CPQ: variants seen among roughly 807,000 people sequenced by gnomAD.
The protein encoded by CPQ is carboxypeptidase Q, also known as Ser-Met dipeptidase.
A neutral mutation model predicts 45.7 loss-of-function variants in CPQ; 37 were observed. The ratio of observed to expected loss-of-function variants is 0.81; its 90% confidence interval spans 0.62 to 1.07. The LOEUF is 1.07. Among genes scored for constraint, CPQ ranks in the 50% least tolerant of loss-of-function variants. The pLI, the probability that CPQ is intolerant of heterozygous loss-of-function variation, is 0.00. For synonymous variants in CPQ, 186 were observed against 205.8 expected, an observed-to-expected ratio of 0.90 and a Z score of 0.82; for missense variants, 537 against 572.9, an observed-to-expected ratio of 0.94 and a Z score of 0.64.
intron 2 of CPQ, among the ~76,000 whole-genome samples, chr8:96,794,537 TC>T (rs1173501618): frequency 1.3e-5 from 2 of 152,226 alleles, no homozygotes; most frequent in African/African-American, 4.8e-5. Flanking sequence ...GGAGACATTT[TC>T]CCCATTGTCT....
chr8:97,141,840 G>A (rs954824854), intron 7 of CPQ, among the ~76,000 whole-genome samples: 3 of 152,104 alleles, frequency 2.0e-5, no homozygotes, highest in Admixed American at 6.6e-5. Flanking sequence ...ATGTTTGAAT[G>A]GAAAAAGCAA....
intron 7 of CPQ, among the ~76,000 whole-genome samples, chr8:97,140,012 T>TA (rs35599124): frequency 0.27 from 39,900 of 147,952 alleles, 6,163 homozygotes; most frequent in East Asian, 0.62. Context: ...AAGCAAGATT[T>TA]AAAAAAAAAA....
At chr8:96,694,711 T>C (rs984730834) in intron 1 of CPQ, among the ~76,000 whole-genome samples, 2 of 151,570 alleles carry the variant, frequency 1.3e-5, no homozygotes, top group African/African-American at 2.4e-5. Context: ...TAAAAAAAAA[T>C]TGAAGCAAAT....
intron 4 of CPQ, among the ~76,000 whole-genome samples, chr8:96,960,498 A>T (rs1440803331): frequency 6.6e-6 from 1 of 152,172 alleles, no homozygotes; most frequent in African/African-American, 2.4e-5. Flanking sequence ...AACATATCAC[A>T]CATATGGAAG....
intron 1 of CPQ, among the ~76,000 whole-genome samples, chr8:96,733,513 C>T (rs771720099): frequency 3.6e-4 from 54 of 152,098 alleles, no homozygotes; most frequent in Non-Finnish European, 5.3e-4. Context: ...TTAGTGAAGA[C>T]GGTTAATAGT....
At chr8:97,082,289 A>AAGAC (rs1810963192) in intron 7 of CPQ, among the ~76,000 whole-genome samples, 1 of 152,252 alleles carries the variant, frequency 6.6e-6, no homozygotes, top group Non-Finnish European at 1.5e-5. Flanking sequence ...TGGGCAGCTC[A>AAGAC]AGACATATCT....
chr8:96,718,894 C>CG, intron 1 of CPQ, among the ~76,000 whole-genome samples: 1 of 152,296 alleles, frequency 6.6e-6, no homozygotes, highest in Admixed American at 6.5e-5. Flanking sequence ...GAGCTAGACA[C>CG]GGGTGCTGAT....
At chr8:96,969,403 A>G (rs1009578688) in intron 5 of CPQ, among the ~76,000 whole-genome samples, 2 of 151,840 alleles carry the variant, frequency 1.3e-5, no homozygotes, top group East Asian at 3.8e-4. Flanking sequence ...TCCTTGAAGT[A>G]GGAGAGACAT....
At chr8:96,755,757 A>T (rs1387860483) in intron 1 of CPQ, among the ~76,000 whole-genome samples, 3 of 151,998 alleles carry the variant, frequency 2.0e-5, no homozygotes. Flanking sequence ...TGTTTTATTT[A>T]TCCTTATAAT....
intron 4 of CPQ, among the ~76,000 whole-genome samples, chr8:96,956,017 G>A (rs958350232): frequency 3.3e-5 from 5 of 152,086 alleles, no homozygotes; most frequent in African/African-American, 1.2e-4. Flanking sequence ...AGCCAAAATC[G>A]ACAAATGGGA....
intron 4 of CPQ, among the ~76,000 whole-genome samples, chr8:96,905,262 AC>A (rs1812561263): frequency 6.6e-6 from 1 of 152,014 alleles, no homozygotes; most frequent in Non-Finnish European, 1.5e-5. Context: ...GGAGAAATCC[AC>A]CCCCATGATC....
At chr8:96,955,076 A>T (rs1180355425) in intron 4 of CPQ, among the ~76,000 whole-genome samples, 1 of 152,138 alleles carries the variant, frequency 6.6e-6, no homozygotes, top group Non-Finnish European at 1.5e-5. Flanking sequence ...ATGTGTCTTT[A>T]TAGCAGCATG....
chr8:96,891,437 G>A (rs896505865), intron 4 of CPQ, among the ~76,000 whole-genome samples: 34 of 152,292 alleles, frequency 2.2e-4, no homozygotes, highest in African/African-American at 5.1e-4. Flanking sequence ...GGCTGTAGCC[G>A]GGTCAGCTTG....
intron 4 of CPQ, among the ~76,000 whole-genome samples, chr8:96,917,536 G>T (rs1371234836): frequency 6.6e-6 from 1 of 152,012 alleles, no homozygotes; most frequent in Admixed American, 6.6e-5. Flanking sequence ...TCCAGTCCTA[G>T]AATCAGCCAT....
intron 4 of CPQ, among the ~76,000 whole-genome samples, chr8:96,934,223 T>A (rs1366973465): frequency 6.6e-6 from 1 of 152,156 alleles, no homozygotes; most frequent in Non-Finnish European, 1.5e-5. Context: ...CATCCATGAA[T>A]CAGGTAATTT....
intron 4 of CPQ, among the ~76,000 whole-genome samples, chr8:96,890,153 A>C (rs1157768119): frequency 6.6e-6 from 1 of 152,252 alleles, no homozygotes; most frequent in African/African-American, 2.4e-5. Context: ...CTATTACATA[A>C]AGTTAACAAT....
chr8:96,900,728 G>A (rs891154697), intron 4 of CPQ, among the ~76,000 whole-genome samples: 9 of 152,056 alleles, frequency 5.9e-5, no homozygotes, highest in African/African-American at 1.4e-4. Context: ...AAGGTTGGAC[G>A]GGAACTTAAT....
chr8:96,790,532 G>T (rs1810832823), intron 2 of CPQ, among the ~76,000 whole-genome samples: 1 of 152,128 alleles, frequency 6.6e-6, no homozygotes, highest in African/African-American at 2.4e-5. Flanking sequence ...AATGGGGTTG[G>T]GGAATGAGAA....
At chr8:96,759,305 A>ATT (rs1284902215) in intron 1 of CPQ, among the ~76,000 whole-genome samples, 1 of 152,142 alleles carries the variant, frequency 6.6e-6, no homozygotes, top group African/African-American at 2.4e-5. Context: ...TAAAGAAGAG[A>ATT]TTTTGGTATT....
Sources: gnomAD v4.1 joint callset for allele counts (sites outside exome capture counted in the v4.1 genomes callset) on GRCh38, gnomAD v4.1.1 for gene constraint, MANE v1.5 for transcripts, NCBI Gene and HGNC (gene_info 2026-07-23, HGNC 2026-07-21) for gene names.